The following CDK14 variants were observed in gnomAD, a reference collection of about 807,000 sequenced individuals.
CDK14 encodes the protein cyclin-dependent kinase 14.
CDK14 carries 34 observed loss-of-function variants against 60.7 expected under a neutral mutation model. That is an observed-to-expected ratio of 0.56 (90% CI 0.43 to 0.75). The LOEUF (loss-of-function observed/expected upper bound fraction) is 0.75, where lower values mean the gene tolerates loss of function less well. Ranked by LOEUF, CDK14 falls within the 30% of genes least tolerant of loss-of-function variation. The pLI, the probability that CDK14 is intolerant of heterozygous loss-of-function variation, is 0.00. For synonymous variants in CDK14, 197 were observed against 203.7 expected (o/e 0.97, Z 0.28); for missense variants, 482 against 564.1 (o/e 0.85, Z 1.47).
chr7:90,963,956 C>T (rs1794681000), intron 9 of CDK14, among the ~76,000 whole-genome samples: 3 of 151,974 alleles, frequency 2.0e-5, no homozygotes, highest in Admixed American at 2.0e-4. Flanking sequence ...CCTCGAGATC[C>T]ACCTGCCTCG....
At chr7:90,596,814 G>A (rs1315850711) in intron 1 of CDK14, 96 bp downstream of exon 1, 2 of 1,032,510 alleles carry the variant, frequency 1.9e-6, no homozygotes, top group Admixed American at 4.1e-5. Flanking sequence ...CTGCCAGCGG[G>A]GCTGGCGTGG....
At chr7:90,998,388 C>T (rs1795745418) in intron 10 of CDK14, among the ~76,000 whole-genome samples, 1 of 152,054 alleles carries the variant, frequency 6.6e-6, no homozygotes, top group Admixed American at 6.5e-5. Flanking sequence ...CCACAAAATC[C>T]ATTCTTTTTT....
intron 12 of CDK14, among the ~76,000 whole-genome samples, chr7:91,087,883 G>A (rs1324884915): frequency 2.0e-5 from 3 of 152,070 alleles, no homozygotes; most frequent in Non-Finnish European, 4.4e-5. Flanking sequence ...CCTAAGAGTG[G>A]TGTGTTAACA....
At chr7:90,638,963 C>T (rs1250179063) in intron 2 of CDK14, among the ~76,000 whole-genome samples, 1 of 152,124 alleles carries the variant, frequency 6.6e-6, no homozygotes, top group Non-Finnish European at 1.5e-5. Flanking sequence ...AGTTCTCGAG[C>T]CTTGGCTTTC....
In CDK14 at chr7:91,128,946, T is replaced by C. The variant is rs1288874068; in HGVS notation, c.*28+10738T>C. Among the ~76,000 whole-genome samples the C allele has an allele frequency of 2.0e-5, 3 of 152,168 alleles. No individual in the cohort carries two copies. The East Asian group carries it at 5.8e-4, about 29-fold the overall frequency. On this transcript the variant is annotated intron_variant, in intron 14 of 14. Transcript: ENST00000380050. ...ACATTCTTATGTTTATCATACTCTT[T>C]GTTGAACGTTTCCACAACTCTGTGG...
At chr7:90,882,976 C>T (rs760362112) in intron 6 of CDK14, among the ~76,000 whole-genome samples, 2 of 152,008 alleles carry the variant, frequency 1.3e-5, no homozygotes, top group Admixed American at 6.5e-5. Flanking sequence ...ACTGAATGCT[C>T]GCATCAGAAA....
chr7:90,676,841 C>A (rs1379620165), intron 2 of CDK14, among the ~76,000 whole-genome samples: 1 of 152,034 alleles, frequency 6.6e-6, no homozygotes, highest in East Asian at 1.9e-4. Flanking sequence ...CGGCTCAGTC[C>A]CAGATGTTTC....
intron 6 of CDK14, among the ~76,000 whole-genome samples, chr7:90,881,383 A>G (rs1438145117): frequency 6.6e-6 from 1 of 152,194 alleles, no homozygotes; most frequent in Non-Finnish European, 1.5e-5. Context: ...TAAGACATGC[A>G]GACAAGAATA....
chr7:91,142,747 A>T (rs1364925338), intron 14 of CDK14, among the ~76,000 whole-genome samples: 1 of 152,250 alleles, frequency 6.6e-6, no homozygotes, highest in Non-Finnish European at 1.5e-5. Context: ...ACACAAAGTG[A>T]AATATGTGCA....
intron 12 of CDK14, among the ~76,000 whole-genome samples, chr7:91,104,349 C>A (rs140253362): frequency 6.6e-6 from 1 of 152,090 alleles, no homozygotes; most frequent in Non-Finnish European, 1.5e-5. Flanking sequence ...TCCCTTGAGG[C>A]GTAATTGGGA....
At chr7:90,715,437 A>G (rs11765929) in intron 2 of CDK14, among the ~76,000 whole-genome samples, 1 of 151,892 alleles carries the variant, frequency 6.6e-6, no homozygotes, top group South Asian at 2.1e-4. Flanking sequence ...AGTGCTTCTG[A>G]CATGGTAGAC....
intron 5 of CDK14, among the ~76,000 whole-genome samples, chr7:90,847,408 A>G (rs778545094): frequency 5.3e-5 from 8 of 152,168 alleles, no homozygotes; most frequent in Non-Finnish European, 8.8e-5. Flanking sequence ...AGCTACATTT[A>G]TAATATAAAA....
chr7:91,008,191 T>G (rs1378223015), intron 10 of CDK14, among the ~76,000 whole-genome samples: 1 of 149,544 alleles, frequency 6.7e-6, no homozygotes, highest in Admixed American at 6.7e-5. Flanking sequence ...TTCGTTGCAG[T>G]AATTCCACTC....
chr7:90,999,845 G>T (rs1795792657), intron 10 of CDK14, among the ~76,000 whole-genome samples: 1 of 152,108 alleles, frequency 6.6e-6, no homozygotes. Flanking sequence ...TTTAAGAGTG[G>T]CCTATTTGTT....
intron 12 of CDK14, among the ~76,000 whole-genome samples, chr7:91,095,027 C>A (rs935333113): frequency 6.6e-6 from 1 of 152,158 alleles, no homozygotes. Flanking sequence ...AATTTAGTAT[C>A]TTGATGCTCT....
chr7:90,789,512 A>G (rs1174383124), intron 4 of CDK14, among the ~76,000 whole-genome samples: 2 of 152,112 alleles, frequency 1.3e-5, no homozygotes, highest in African/African-American at 2.4e-5. Context: ...ATAATATAAC[A>G]ATTAAAATGA....
intron 2 of CDK14, among the ~76,000 whole-genome samples, chr7:90,676,321 T>G (rs1378921602): frequency 6.6e-6 from 1 of 152,110 alleles, no homozygotes; most frequent in Non-Finnish European, 1.5e-5. Context: ...AAACTCACTT[T>G]GGAAAATGGC....
intron 4 of CDK14, among the ~76,000 whole-genome samples, chr7:90,787,341 T>TA (rs5885745): frequency 0.91 from 138,982 of 152,174 alleles, 63,594 homozygotes; most frequent in East Asian, 1. Context: ...TTAAGGAATA[T>TA]AAAAACTTAA....
At chr7:91,191,135 G>T (rs1802348125) in intron 14 of CDK14, among the ~76,000 whole-genome samples, 1 of 152,170 alleles carries the variant, frequency 6.6e-6, no homozygotes, top group South Asian at 2.1e-4. Flanking sequence ...CTCAGTTCTT[G>T]ATATGGCTTC....
Sources: gnomAD v4.1 joint callset for allele counts (sites outside exome capture counted in the v4.1 genomes callset) on GRCh38, gnomAD v4.1.1 for gene constraint, MANE v1.5 for transcripts, NCBI Gene and HGNC (gene_info 2026-07-23, HGNC 2026-07-21) for gene names.